LRRC24: variants seen among roughly 807,000 people sequenced by gnomAD.
LRRC24 encodes the protein leucine rich repeat containing 24.
LRRC24 carries 19 observed loss-of-function variants against 15.3 expected under a neutral mutation model. The ratio of observed to expected loss-of-function variants is 1.25; its 90% CI spans 0.87 to 1.83. The LOEUF (loss-of-function observed/expected upper bound fraction) is 1.83. LRRC24 is among the 40% of genes most tolerant of loss of function. The probability of loss-of-function intolerance (pLI) is 0.00; values close to 1 mark genes in which losing one functional copy is unlikely to be tolerated. For missense variants in LRRC24, 914 were observed against 723.9 expected, an observed-to-expected ratio of 1.26 and a Z score of -3.01; for synonymous variants, 469 against 359.6, an observed-to-expected ratio of 1.30 and a Z score of -3.44.
intron 4 of LRRC24, 56 bp downstream of exon 4, chr8:144,524,054 G>A: frequency 6.4e-7 from 1 of 1,565,672 alleles, no homozygotes; most frequent in Non-Finnish European, 8.7e-7. Context: ...ACATGAGCCT[G>A]CTCCCTACTG....
rs1240403490 is a variant in LRRC24, at chr8:144,524,304, G to C, written c.439-26C>G. On this transcript the variant is annotated intron_variant, in intron 3 of 4. Coordinates refer to ENST00000529415, the MANE Select transcript of LRRC24 (RefSeq NM_001024678.4). ...CTGAAGTAAGGACAGCAGATCGTGA[G>C]GAAAAAGGGCGCCGAGGTTGGGGGC... 3.7e-6 allele frequency: 6 copies of C among 1,608,000 alleles called. No homozygotes were observed. In the South Asian group the frequency reaches 5.5e-5, roughly 15 times the overall value.
In LRRC24 at chr8:144,522,801, C is replaced by T. The variant is rs900044479; in HGVS notation, c.1216G>A (p.Ala406Thr). 8 of 1,539,158 alleles carry T rather than the reference C, an allele frequency of 5.2e-6. No individual in the cohort carries two copies. The highest frequency in any genetic ancestry group is 2.8e-5 in the African/African-American group (2 of 71,086). ...AGCAGCGCGATGGCCGCCGCAATGG[C>T]CGTCTGTGTGGCCACGCCCAGGGCG... ...FRALGVATQT[A>T]IAAAIALLAL... The change falls in exon 5 of 5, where the codon GCC becomes ACC. Residue 406 changes from alanine (A) to threonine (T), a missense_variant. Physicochemically the swap from Ala to Thr is moderately conservative, Grantham distance 58. Transcript: ENST00000529415.
intron 4 of LRRC24, 192 bp from the exon 5 acceptor site, chr8:144,523,601 C>T (rs972781948): frequency 2.4e-6 from 2 of 838,030 alleles, no homozygotes; most frequent in Non-Finnish European, 3.3e-6. Context: ...CCTCGCCCCC[C>T]TCCCCTTTAG....
In LRRC24 at chr8:144,524,928, A is replaced by C; in HGVS notation, c.47T>G (p.Leu16Arg). 1 of 1,511,912 alleles carries C rather than the reference A, an allele frequency of 6.6e-7. No homozygotes were observed. The highest frequency in any genetic ancestry group is 2.5e-5 in the East Asian group (1 of 39,906). The allele number at this position is 1,511,912 out of a possible 1,614,324, so 93.7% of individuals were successfully genotyped here. The part of the protein sequence containing the change: ...PALLPLLLLL[L>R]PLRAAGCPAA... ...TGGGCAGCCGGCGGCGCGGAGCGGCAGTAGTAGCAGCAGCAGCGGCAGCAG... is the reference window on the plus strand; with the variant it reads ...TGGGCAGCCGGCGGCGCGGAGCGGCCGTAGTAGCAGCAGCAGCGGCAGCAG... Residue 16 changes from leucine (L) to arginine (R), a missense_variant, in exon 2 of 5, where the codon CTG (leucine) becomes CGG (arginine). Coordinates refer to ENST00000529415, the MANE Select transcript of LRRC24 (RefSeq NM_001024678.4).
rs376131634 is a variant in LRRC24, at chr8:144,522,759, G to A, written c.1258C>T (p.Leu420Phe). The change falls in exon 5 of 5, where the codon CTC (leucine) becomes TTC (phenylalanine). Residue 420 changes from leucine to phenylalanine, a missense_variant. Coordinates refer to ENST00000529415, the MANE Select transcript of LRRC24 (RefSeq NM_001024678.4). ...CGGCGACAGATCATGGCGACCAGGA[G>A]CAGCGCCGTGAGCGCCAGCAGCGCG... ...AIALLALTALLLVAMICRRRR... is the reference protein window; with the variant it reads ...AIALLALTALFLVAMICRRRR... The A allele has an allele frequency of 1.9e-6, 3 of 1,578,400 alleles. No individual in the cohort carries two copies. Among genetic ancestry groups the A allele is most frequent in the East Asian group, 2.4e-5 (1 of 42,176 alleles).
At position 144,522,434 on chromosome 8, in the gene LRRC24, G is replaced by A; in HGVS notation, c.*41C>T. The stretch of plus-strand genomic sequence containing the variant: ...GACGGAGCATGCGCGAGGCCGCACC[G>A]GCCAATCTCCGGCGCCCACGTCATC... On this transcript the variant is annotated 3_prime_UTR_variant, in exon 5 of 5. Transcript: ENST00000529415. 2.2e-6 allele frequency: 3 copies of A among 1,385,704 alleles called. No homozygotes were observed. Among genetic ancestry groups the A allele is most frequent in the Non-Finnish European group, 2.8e-6 (3 of 1,078,114 alleles). 85.8% of individuals were successfully genotyped at this position (1,385,704 alleles called of 1,614,324 possible).
At chr8:144,523,851 C>T in intron 4 of LRRC24, 1 of 495,458 alleles carries the variant, frequency 2.0e-6, no homozygotes, top group East Asian at 3.3e-5. Context: ...TGCCTCCCCT[C>T]AGCCTAAAAG....
chr8:144,523,549 C>T, intron 4 of LRRC24, 140 bp from the exon 5 acceptor site: 1 of 1,314,750 alleles, frequency 7.6e-7, no homozygotes, highest in South Asian at 2.0e-5. Flanking sequence ...CCCTGCCACC[C>T]CTTCCTTGAC....
At position 144,522,701 on chromosome 8, in the gene LRRC24, G is replaced by A. The variant is rs758673504; in HGVS notation, c.1316C>T (p.Pro439Leu). 85 of 1,596,336 alleles carry A rather than the reference G, an allele frequency of 5.3e-5. No homozygotes were observed. In the Admixed American group the frequency reaches 1.3e-3, roughly 25 times the overall value. ...GTTGACGAACAGCGCTCCCTCCCCC[G>A]GAGGCCCCCGCGCCTTTTTTCGCCT... ...RRRRKKARGP[P>L]GEGALFVNDY... Residue 439 changes from proline to leucine, a missense_variant, in exon 5 of 5, where the codon CCG becomes CTG. By Grantham distance (98) the Pro-to-Leu change is moderately conservative (BLOSUM62 -3). Coordinates refer to ENST00000529415, the MANE Select transcript of LRRC24 (RefSeq NM_001024678.4).
rs751391790 is a variant in LRRC24, at chr8:144,522,643, C to T, written c.1374G>A (p.Gln458=). The change falls in exon 5 of 5, where the codon CAG becomes CAA. Residue 458 remains glutamine, a synonymous_variant. Coordinates refer to ENST00000529415, the MANE Select transcript of LRRC24 (RefSeq NM_001024678.4). ...DYLDGPCTFA[Q]LEELRDERGH... ...CGCGCTCGTCGCGGAGCTCCTCTAG[C>T]TGTGCGAACGTACAGGGGCCGTCCA... 26 of 1,585,454 alleles carry T rather than the reference C, an allele frequency of 1.6e-5. 1 individual carries two copies. In the South Asian group the frequency reaches 2.7e-4, roughly 17 times the overall value.
intron 1 of LRRC24, 54 bp from the exon 2 acceptor site, chr8:144,525,087 G>A (rs1330627285): frequency 1.3e-5 from 16 of 1,196,836 alleles, no homozygotes; most frequent in Non-Finnish European, 1.2e-5. Context: ...GCCAATAGAT[G>A]GAATGGAGGC....
In LRRC24 at chr8:144,522,684, ACAG is replaced by A; in HGVS notation, c.1330_1332del (p.Leu444del). On this transcript the variant is annotated inframe_deletion, in exon 5 of 5. Coordinates refer to ENST00000529415, the MANE Select transcript of LRRC24 (RefSeq NM_001024678.4). ...GGGCCGTCCAAGTAGTCGTTGACGAACAGCGCTCCCTCCCCCGGAGGCCCCCGC... is the reference window on the plus strand; with the variant it reads ...GGGCCGTCCAAGTAGTCGTTGACGAACGCTCCCTCCCCCGGAGGCCCCCGC... 6.3e-7 allele frequency: 1 copy of A among 1,596,832 alleles called. No homozygotes were observed. The highest frequency in any genetic ancestry group is 1.4e-5 in the African/African-American group (1 of 73,800).
chr8:144,523,376 C>T lies in LRRC24; in HGVS notation c.641G>A (p.Trp214Ter), dbSNP rs780894344. Residue 214 changes from tryptophan (W) to a stop codon, truncating the protein, a stop_gained, in exon 5 of 5, where the codon TGG (tryptophan) becomes TAG (stop). Coordinates refer to ENST00000529415, the MANE Select transcript of LRRC24 (RefSeq NM_001024678.4). LOFTEE classifies it low-confidence loss of function (END_TRUNC). The stretch of plus-strand genomic sequence containing the variant: ...GCCCTCCTTGATCCAGGCACCCAGC[C>T]AGTGCAGGGCGCAGTCACAGCGCCA... Reference protein sequence around the residue: ...NPWRCDCALHWLGAWIKEGGQ... With the variant: ...NPWRCDCALH 2.0e-5 allele frequency: 31 copies of T among 1,556,874 alleles called. No homozygotes were observed. The highest frequency in any genetic ancestry group is 4.1e-5 in the African/African-American group (3 of 73,096).
At chr8:144,524,344 A>G in intron 3 of LRRC24, 66 bp from the exon 4 acceptor site, 2 of 1,598,088 alleles carry the variant, frequency 1.3e-6, no homozygotes, top group Non-Finnish European at 1.7e-6. Context: ...CTCTCTTCTT[A>G]CCAAGCTAGA....
Position 144,522,577 on chromosome 8 carries a change from G to C in LRRC24, c.1440C>G (p.Phe480Leu), listed in dbSNP as rs973747412. ...MFVINRSKPL[F>L]AEGPAEAPAD... ...CGGGCGCCTCCGCCGGACCCTCGGCGAAGAGCGGCTTGGAGCGGTTGATGA... is the reference window on the plus strand; with the variant it reads ...CGGGCGCCTCCGCCGGACCCTCGGCCAAGAGCGGCTTGGAGCGGTTGATGA... Residue 480 changes from phenylalanine (F) to leucine (L), a missense_variant, in exon 5 of 5, where the codon TTC becomes TTG. Physicochemically the swap from Phe to Leu is conservative, Grantham distance 22. Coordinates refer to ENST00000529415, the MANE Select transcript of LRRC24 (RefSeq NM_001024678.4). 34 of 1,556,910 alleles carry C rather than the reference G, an allele frequency of 2.2e-5. No individual in the cohort carries two copies. Among genetic ancestry groups the C allele is most frequent in the African/African-American group, 2.8e-5 (2 of 71,084 alleles).
chr8:144,526,211 G>C (rs1490619124), intron 1 of LRRC24: 1 of 152,222 alleles, frequency 6.6e-6, no homozygotes, highest in Non-Finnish European at 1.5e-5. Flanking sequence ...AAAGTCACTA[G>C]AAATAAGTAA....
chr8:144,523,098 G>C lies in LRRC24; in HGVS notation c.919C>G (p.Gln307Glu), dbSNP rs755755990. Residue 307 changes from glutamine to glutamate, a missense_variant, in exon 5 of 5, where the codon CAG (glutamine) becomes GAG (glutamate). By Grantham distance (29) the Gln-to-Glu change is conservative. Coordinates refer to ENST00000529415, the MANE Select transcript of LRRC24 (RefSeq NM_001024678.4). ...PQPREGRPRAQAQLEGGLLGL... is the reference protein window; with the variant it reads ...PQPREGRPRAEAQLEGGLLGL... ...AGCAACCCGCCTTCTAGCTGGGCCT[G>C]GGCTCGCGGCCGGCCCTCGCGAGGC... 1 of 1,609,022 alleles carries C rather than the reference G, an allele frequency of 6.2e-7. No individual in the cohort carries two copies. Among genetic ancestry groups the C allele is most frequent in the Non-Finnish European group, 8.5e-7 (1 of 1,179,494 alleles).
At position 144,522,630 on chromosome 8, in the gene LRRC24, G is replaced by T. The variant is rs1161922907; in HGVS notation, c.1387C>A (p.Arg463Ser). 6.3e-7 allele frequency: 1 copy of T among 1,577,188 alleles called. No homozygotes were observed. Among genetic ancestry groups the T allele is most frequent in the Admixed American group, 1.8e-5 (1 of 56,154 alleles). Residue 463 changes from arginine to serine, a missense_variant, in exon 5 of 5, where the codon CGC becomes AGC. Physicochemically the swap from Arg to Ser is moderately radical, Grantham distance 110. Transcript: ENST00000529415. The part of the protein sequence containing the change: ...PCTFAQLEEL[R>S]DERGHEMFVI... ...AACATCTCGTGGCCGCGCTCGTCGCGGAGCTCCTCTAGCTGTGCGAACGTA... is the reference window on the plus strand; with the variant it reads ...AACATCTCGTGGCCGCGCTCGTCGCTGAGCTCCTCTAGCTGTGCGAACGTA...
At chr8:144,525,071 G>A (rs1816313538) in intron 1 of LRRC24, 38 bp from the exon 2 acceptor site, 1 of 1,325,174 alleles carries the variant, frequency 7.5e-7, no homozygotes, top group African/African-American at 1.5e-5. Flanking sequence ...CGGCAGTCGA[G>A]AGCCAGCCAA....
Sources: allele counts gnomAD v4.1 joint callset, GRCh38; gene constraint gnomAD v4.1.1; transcripts MANE v1.5; gene names NCBI Gene and HGNC (gene_info 2026-07-23, HGNC 2026-07-21).